AGAP9: variants seen among roughly 807,000 people sequenced by gnomAD.
AGAP9 encodes ArfGAP with GTPase domain, ankyrin repeat and PH domain 9.
In AGAP9, 23 loss-of-function variants were observed where a neutral mutation model predicts 55.6. That is an observed-to-expected ratio of 0.41 (90% confidence interval 0.30 to 0.59). The LOEUF is 0.59. AGAP9 is among the 20% of genes least tolerant of loss of function. AGAP9 has a pLI of 0.25. For synonymous variants in AGAP9, 120 were observed against 305.0 expected (o/e 0.39, Z 6.32); for missense variants, 309 against 808.1 (o/e 0.38, Z 7.49).
intron 4 of AGAP9, among the ~76,000 whole-genome samples, chr10:47,513,774 C>T (rs1342654849): frequency 7.3e-6 from 1 of 137,612 alleles, no homozygotes; most frequent in Non-Finnish European, 1.6e-5. Flanking sequence ...CCACCTAAAA[C>T]ATAAAGTGAA....
Position 47,510,935 on chromosome 10 carries a change from AATTT to A in AGAP9, c.397-668_397-665del, listed in dbSNP as rs1174596618. 2.4e-3 allele frequency among the ~76,000 whole-genome samples: 275 copies of A among 113,216 alleles called. 5 individuals carry two copies. The highest frequency in any genetic ancestry group is 7.7e-3 in the African/African-American group (228 of 29,734). The allele number at this position is 113,216 out of a possible 152,430, so 74.3% of individuals were successfully genotyped here. Reference sequence around the variant, plus strand: ...ATTTCTATTAATTAATTAATTAATTAATTTATTTATTTATTTATTTATTTTTGAG... The same window carrying A: ...ATTTCTATTAATTAATTAATTAATTAATTTATTTATTTATTTATTTTTGAG... On this transcript the variant is annotated intron_variant, in intron 4 of 7. Transcript: ENST00000452145.
chr10:47,513,520 A>C (rs1366454084), intron 4 of AGAP9, among the ~76,000 whole-genome samples: 1 of 142,258 alleles, frequency 7.0e-6, no homozygotes, highest in Non-Finnish European at 1.5e-5. Context: ...CCTTCTTCAC[A>C]GAACTAGAAA....
At position 47,502,440 on chromosome 10, in the gene AGAP9, C is replaced by G. The variant is rs1840371131; in HGVS notation, c.1689G>C (p.Lys563Asn). 1.9e-6 allele frequency: 3 copies of G among 1,612,130 alleles called. No individual in the cohort carries two copies. Among genetic ancestry groups the G allele is most frequent in the Non-Finnish European group, 2.5e-6 (3 of 1,179,900 alleles). Residue 563 changes from lysine to asparagine, a missense_variant, in exon 8 of 8, where the codon AAG becomes AAC. Coordinates refer to ENST00000452145, the MANE Select transcript of AGAP9 (RefSeq NM_001190810.1). Reference protein sequence around the residue: ...KPSIKSTREEKEWWIRSKYEE... With the variant: ...KPSIKSTREENEWWIRSKYEE... The stretch of plus-strand genomic sequence containing the variant: ...CATATTTGGAACGGATCCACCATTC[C>G]TTCTCTTCCCTCGTGGACTTTATTG...
At chr10:47,509,917 TG>T (rs1308260406) in intron 5 of AGAP9, among the ~76,000 whole-genome samples, 2 of 140,950 alleles carry the variant, frequency 1.4e-5, no homozygotes, top group East Asian at 5.9e-4. Flanking sequence ...CTTCTCACTG[TG>T]TTCAACATTG....
intron 4 of AGAP9, among the ~76,000 whole-genome samples, chr10:47,514,358 ACT>A (rs1840690280): frequency 4.0e-5 from 6 of 148,972 alleles, no homozygotes. Context: ...AAGTGAAATA[ACT>A]CAGCATGGAA....
chr10:47,510,127 T>C, intron 5 of AGAP9, 44 bp downstream of exon 5: 1 of 1,214,544 alleles, frequency 8.2e-7, no homozygotes, highest in Non-Finnish European at 1.1e-6. Context: ...TGAAATAATT[T>C]CCGAATAAAG....
chr10:47,502,067 AAC>A lies in AGAP9; in HGVS notation c.*83_*84del. The A allele has an allele frequency of 3.2e-6, 5 of 1,558,202 alleles. 1 individual carries two copies. In the South Asian group the frequency reaches 5.6e-5, roughly 18 times the overall value. ...CACCAAGGAGACTGCAGTCAAATAA[AAC>A]AGATACTACACGCACTCGTCGGGGC... On this transcript the variant is annotated 3_prime_UTR_variant, in exon 8 of 8. Transcript: ENST00000452145.
chr10:47,502,684 C>T lies in AGAP9; in HGVS notation c.1445G>A (p.Cys482Tyr), dbSNP rs1407008588. Reference protein sequence around the residue: ...NMRGNAHCVDCETQNPKWASL... With the variant: ...NMRGNAHCVDYETQNPKWASL... ...GGCCCACTTAGGATTCTGGGTCTCA[C>T]AGTCCACACAGTGGGCGTTCCCACG... Residue 482 changes from cysteine to tyrosine, a missense_variant, in exon 8 of 8, where the codon TGT (cysteine) becomes TAT (tyrosine). Physicochemically the swap from Cys to Tyr is radical, Grantham distance 194. Coordinates refer to ENST00000452145, the MANE Select transcript of AGAP9 (RefSeq NM_001190810.1). 6.2e-6 allele frequency: 10 copies of T among 1,608,386 alleles called. No individual in the cohort carries two copies. The African/African-American group carries it at 8.1e-5, about 13-fold the overall frequency.
chr10:47,513,072 G>A lies in AGAP9; in HGVS notation c.397-2801C>T, dbSNP rs1840659085. Among the ~76,000 whole-genome samples, 5 of 139,948 alleles carry A rather than the reference G, an allele frequency of 3.6e-5. No homozygotes were observed. The South Asian group carries it at 1.1e-3, about 31-fold the overall frequency. The allele number at this position is 139,948 out of a possible 152,430, so 91.8% of individuals were successfully genotyped here. On this transcript the variant is annotated intron_variant, in intron 4 of 7. Coordinates refer to ENST00000452145, the MANE Select transcript of AGAP9 (RefSeq NM_001190810.1). ...TTTTGAGATGGAGTCTTGCTCTGTT[G>A]CCCAGGCTGGAGTATGCAATGCGGT...
chr10:47,522,620 AG>A (rs1167981578), intron 2 of AGAP9, among the ~76,000 whole-genome samples: 16 of 128,142 alleles, frequency 1.2e-4, no homozygotes, highest in Non-Finnish European at 8.0e-5. Context: ...ATTTTAAATA[AG>A]AAATCCCCAA....
intron 3 of AGAP9, among the ~76,000 whole-genome samples, chr10:47,518,570 CCTAG>C (rs1840756803): frequency 1.6e-5 from 2 of 122,558 alleles, no homozygotes; most frequent in Non-Finnish European, 3.3e-5. Context: ...TGCCACCATG[CCTAG>C]CTAATTTTTT....
chr10:47,503,202 G>A lies in AGAP9; in HGVS notation c.927C>T (p.Ser309=), dbSNP rs1369737405. 1.0e-5 allele frequency: 16 copies of A among 1,600,892 alleles called. No homozygotes were observed. The highest frequency in any genetic ancestry group is 1.4e-5 in the Non-Finnish European group (16 of 1,175,792). ...TWKKKYVTLC[S]NGVLTYYSSL... ...TTGAATAATAGGTGAGCACGCCATT[G>A]GAACACAGGGTGACGTATTTCTTTT... Residue 309 remains serine, a synonymous_variant, in exon 8 of 8, where the codon TCC becomes TCT. Transcript: ENST00000452145.
chr10:47,517,304 G>T (rs1433925236), intron 4 of AGAP9, among the ~76,000 whole-genome samples: 1 of 75,850 alleles, frequency 1.3e-5, no homozygotes, highest in Non-Finnish European at 2.3e-5. Context: ...ACAGAGTTTC[G>T]CTCTGTCGCC....
At chr10:47,508,980 G>A (rs1374349229) in intron 5 of AGAP9, among the ~76,000 whole-genome samples, 7 of 131,940 alleles carry the variant, frequency 5.3e-5, no homozygotes, top group Non-Finnish European at 1.1e-4. Context: ...TCTTCTTGAA[G>A]CCAATTTGCC....
intron 4 of AGAP9, among the ~76,000 whole-genome samples, chr10:47,513,556 C>G (rs1840673030): frequency 7.1e-6 from 1 of 141,040 alleles, no homozygotes; most frequent in Admixed American, 7.3e-5. Context: ...TTATATGGAC[C>G]AAACAAGAAC....
chr10:47,519,467 CAAAA>C (rs1190844472), intron 3 of AGAP9, among the ~76,000 whole-genome samples: 1 of 84,768 alleles, frequency 1.2e-5, no homozygotes, highest in Non-Finnish European at 2.3e-5. Flanking sequence ...GACTCCATTT[CAAAA>C]AAAAAAAAAA....
chr10:47,502,952 G>A lies in AGAP9; in HGVS notation c.1177C>T (p.Pro393Ser), dbSNP rs1167448093. 5 of 1,593,504 alleles carry A rather than the reference G, an allele frequency of 3.1e-6. No individual in the cohort carries two copies. Among genetic ancestry groups the A allele is most frequent in the Non-Finnish European group, 4.3e-6 (5 of 1,172,748 alleles). Reference protein sequence around the residue: ...STTSPKLNPPPSPHANKKKHL... With the variant: ...STTSPKLNPPSSPHANKKKHL... ...TTCTTTTTATTGGCATGAGGAGAGG[G>A]GGGCGGGTTGAGCTTGGGGCTGGTG... The change falls in exon 8 of 8, where the codon CCC (proline) becomes TCC (serine). Residue 393 changes from proline to serine, a missense_variant. Transcript: ENST00000452145.
At position 47,503,358 on chromosome 10, in the gene AGAP9, CT is replaced by C. The variant is rs1200068429; in HGVS notation, c.770del (p.Glu257GlyfsTer34). The C allele has an allele frequency of 6.2e-7, 1 of 1,608,824 alleles. No homozygotes were observed. Among genetic ancestry groups the C allele is most frequent in the Non-Finnish European group, 8.5e-7 (1 of 1,179,290 alleles). On this transcript the variant is annotated frameshift_variant, in exon 8 of 8. Transcript: ENST00000452145. LOFTEE classifies it high-confidence loss of function. ...TCTCTTTGTCTGGGTCACTCCCTTT[CT>C]CAGATGTAAACAGGTTGGACCAGCG... The part of the protein sequence containing the change: ...SMRWSNLFTS[E>X]KGSDPDKERK...
intron 4 of AGAP9, 137 bp from the exon 5 acceptor site, chr10:47,510,408 A>G: frequency 7.4e-7 from 1 of 1,360,264 alleles, no homozygotes; most frequent in Non-Finnish European, 9.8e-7. Context: ...CAATCTATAG[A>G]AAACCCATTG....
Sources: gnomAD v4.1 joint callset for allele counts (sites outside exome capture counted in the v4.1 genomes callset) on GRCh38, gnomAD v4.1.1 for gene constraint, MANE v1.5 for transcripts, NCBI Gene and HGNC (gene_info 2026-07-23, HGNC 2026-07-21) for gene names.